The following ZNF266 variants were observed in gnomAD, a reference collection of about 807,000 sequenced individuals.
The protein encoded by ZNF266 is zinc finger protein 1.
In ZNF266, 16 loss-of-function variants were observed where a neutral mutation model predicts 16.4. The observed-to-expected ratio is 0.98, with a 90% CI of 0.66 to 1.48. ZNF266 has a LOEUF of 1.48. Ranked by LOEUF, ZNF266 falls within the 40% of genes most tolerant of loss-of-function variation. The probability of loss-of-function intolerance (pLI) is 0.00; values close to 1 mark genes in which losing one functional copy is unlikely to be tolerated. For synonymous variants in ZNF266, 262 were observed against 237.9 expected, an observed-to-expected ratio of 1.10 and a Z score of -0.93; for missense variants, 738 against 689.1, an observed-to-expected ratio of 1.07 and a Z score of -0.79.
In ZNF266 at chr19:9,413,556, T is replaced by C. The variant is rs1198698051; in HGVS notation, c.1570A>G (p.Thr524Ala). The C allele has an allele frequency of 1.2e-6, 2 of 1,614,174 alleles. No homozygotes were observed. Among genetic ancestry groups the C allele is most frequent in the East Asian group, 2.2e-5 (1 of 44,888 alleles). The stretch of plus-strand genomic sequence containing the variant: ...GTGAATGGTTTTTTGGCGCTGTGGG[T>C]CCGCATGTGATTATTAAGACTGGAG... ...HSSSLNNHMR[T>A]HSAKKPFTCM... Residue 524 changes from threonine (T) to alanine (A), a missense_variant, in exon 11 of 11, where the codon ACC becomes GCC. Physicochemically the swap from Thr to Ala is moderately conservative, Grantham distance 58. Coordinates refer to ENST00000592904, the MANE Select transcript of ZNF266 (RefSeq NM_001370374.1).
Position 9,414,018 on chromosome 19 carries a change from T to C in ZNF266, c.1108A>G (p.Ile370Val), listed in dbSNP as rs1177111337. The C allele has an allele frequency of 6.2e-7, 1 of 1,614,182 alleles. No homozygotes were observed. ...EKPYECKECG[I>V]AFTRSSQLTE... The stretch of plus-strand genomic sequence containing the variant: ...AGTTGAGAAGATCTAGTGAAGGCTA[T>C]CCCACATTCCTTGCATTCATAAGGC... The change falls in exon 11 of 11, where the codon ATA (isoleucine) becomes GTA (valine). Residue 370 changes from isoleucine (I) to valine (V), a missense_variant. Physicochemically the swap from Ile to Val is conservative, Grantham distance 29. Coordinates refer to ENST00000592904, the MANE Select transcript of ZNF266 (RefSeq NM_001370374.1).
At chr19:9,425,265 C>A in intron 5 of ZNF266, among the ~76,000 whole-genome samples, 1 of 152,232 alleles carries the variant, frequency 6.6e-6, no homozygotes, top group East Asian at 1.9e-4. Context: ...TCATTCCTAT[C>A]CCACAGGTTG....
intron 5 of ZNF266, among the ~76,000 whole-genome samples, chr19:9,433,186 A>AT (rs1253173413): frequency 3.9e-5 from 6 of 152,012 alleles, no homozygotes; most frequent in Non-Finnish European, 5.9e-5. Context: ...CTGGAATTTG[A>AT]TTTTTTTTCC....
At chr19:9,428,766 A>T (rs537066622) in intron 5 of ZNF266, among the ~76,000 whole-genome samples, 1 of 152,186 alleles carries the variant, frequency 6.6e-6, no homozygotes. Flanking sequence ...AGATACCCAA[A>T]ATATAAAGCA....
chr19:9,431,226 G>A (rs916772172), intron 5 of ZNF266, among the ~76,000 whole-genome samples: 3 of 152,156 alleles, frequency 2.0e-5, no homozygotes, highest in Non-Finnish European at 2.9e-5. Flanking sequence ...GGGCATTGGA[G>A]GGTGCTCTGT....
rs537584596 is a variant in ZNF266, at chr19:9,434,088, T to C, written c.-262A>G. 4.6e-5 allele frequency: 7 copies of C among 152,344 alleles called. No homozygotes were observed. Among genetic ancestry groups the C allele is most frequent in the East Asian group, 1.9e-4 (1 of 5,188 alleles). 9.4% of individuals were successfully genotyped at this position (152,344 alleles called of 1,614,324 possible). ...ACTCTGTCAAACCTGGGAGTAATCT[T>C]TGATGCACTCCTCTCTCTCACCATA... On this transcript the variant is annotated 5_prime_UTR_variant, in exon 4 of 11. Coordinates refer to ENST00000592904, the MANE Select transcript of ZNF266 (RefSeq NM_001370374.1).
chr19:9,429,290 G>A (rs958923215), intron 5 of ZNF266, among the ~76,000 whole-genome samples: 1 of 151,918 alleles, frequency 6.6e-6, no homozygotes, highest in Non-Finnish European at 1.5e-5. Context: ...CAGTCGCCTG[G>A]GACTTACTAA....
rs2072327769 is a variant in ZNF266 at position 9,435,479 on chromosome 19, C to A, written c.-753G>T. The A allele has an allele frequency of 6.6e-6, 1 of 152,364 alleles. No homozygotes were observed. The highest frequency in any genetic ancestry group is 1.5e-5 in the Non-Finnish European group (1 of 68,188). 9.4% of individuals were successfully genotyped at this position (152,364 alleles called of 1,614,324 possible). On this transcript the variant is annotated 5_prime_UTR_variant, in exon 1 of 11. Transcript: ENST00000592904. ...CCACCCCTTCCACCGCTGGCTCCCA[C>A]CCGTCATCCGACCTCGCCAAAGCTG... is the stretch of plus-strand genomic sequence containing the variant.
chr19:9,418,811 A>G (rs2069438149), intron 7 of ZNF266, 180 bp from the exon 8 acceptor site: 1 of 495,858 alleles, frequency 2.0e-6, no homozygotes, highest in Non-Finnish European at 3.7e-6. Flanking sequence ...CTTCTTACAC[A>G]TGATTGTATG....
At position 9,415,686 on chromosome 19, in the gene ZNF266, A is replaced by C. The variant is rs760016014; in HGVS notation, c.373T>G (p.Leu125Val). 3 of 1,613,308 alleles carry C rather than the reference A, an allele frequency of 1.9e-6. No homozygotes were observed. The highest frequency in any genetic ancestry group is 2.7e-5 in the African/African-American group (2 of 75,030). Reference sequence around the variant, plus strand: ...ATCCCACTGGAGGTTGGCTCCCCCAAAACATCCTGCTGAAGGGCTAACTCT... The same window carrying C: ...ATCCCACTGGAGGTTGGCTCCCCCACAACATCCTGCTGAAGGGCTAACTCT... ...TKELALQQDV[L>V]GEPTSSGIQM... Residue 125 changes from leucine (L) to valine (V), a missense_variant, in exon 10 of 11, where the codon TTG (leucine) becomes GTG (valine). By Grantham distance (32) the Leu-to-Val change is conservative. Transcript: ENST00000592904.
chr19:9,432,427 T>C (rs2123497408), intron 5 of ZNF266, among the ~76,000 whole-genome samples: 1 of 152,338 alleles, frequency 6.6e-6, no homozygotes. Context: ...TCCCCATCAA[T>C]GATTTCACTA....
In ZNF266 at chr19:9,413,435, C is replaced by T. The variant is rs1408158044; in HGVS notation, c.1691G>A (p.Cys564Tyr). 2 of 1,613,994 alleles carry T rather than the reference C, an allele frequency of 1.2e-6. No individual in the cohort carries two copies. Among genetic ancestry groups the T allele is most frequent in the Non-Finnish European group, 1.7e-6 (2 of 1,180,018 alleles). ...ATTGGAGTAACTGAAGGATTTCCCA[C>T]ACTGTTTACATTTGTAGGGTTTTTC... The part of the protein sequence containing the change: ...TGEKPYKCKQ[C>Y]GKSFSYSNSF... Residue 564 changes from cysteine (C) to tyrosine (Y), a missense_variant, in exon 11 of 11, where the codon TGT (cysteine) becomes TAT (tyrosine). Transcript: ENST00000592904.
rs2072300438 is a variant in ZNF266, at chr19:9,435,279, C to T, written c.-558+5G>A. 6.6e-6 allele frequency: 1 copy of T among 152,200 alleles called. No homozygotes were observed. Among genetic ancestry groups the T allele is most frequent in the South Asian group, 2.1e-4 (1 of 4,832 alleles). The allele number at this position is 152,200 out of a possible 1,614,324, so 9.4% of individuals were successfully genotyped here. ...TTTGCAAAAATCGTGAGGAAGCGCC[C>T]TTACGACAGATCCCGAAACGGCTCC... On this transcript the variant is annotated splice_donor_5th_base_variant and intron_variant, in intron 1 of 10. Coordinates refer to ENST00000592904, the MANE Select transcript of ZNF266 (RefSeq NM_001370374.1).
At position 9,413,242 on chromosome 19, in the gene ZNF266, G is replaced by C; in HGVS notation, c.*33C>G. The C allele has an allele frequency of 6.5e-7, 1 of 1,536,376 alleles. No homozygotes were observed. The highest frequency in any genetic ancestry group is 8.7e-7 in the Non-Finnish European group (1 of 1,144,742). Reference sequence around the variant, plus strand: ...CAGTGAGTTTTCATGTCTTCAGAGAGAACAGGGACACCTTTAGGTTTTCCC... The same window carrying C: ...CAGTGAGTTTTCATGTCTTCAGAGACAACAGGGACACCTTTAGGTTTTCCC... On this transcript the variant is annotated 3_prime_UTR_variant, in exon 11 of 11. Coordinates refer to ENST00000592904, the MANE Select transcript of ZNF266 (RefSeq NM_001370374.1).
chr19:9,416,293 T>A (rs1404888217), intron 9 of ZNF266, among the ~76,000 whole-genome samples: 1 of 151,540 alleles, frequency 6.6e-6, no homozygotes, highest in East Asian at 1.9e-4. Flanking sequence ...ACAAAGAATA[T>A]TACCATGGAA....
At chr19:9,426,580 A>G (rs932165702) in intron 5 of ZNF266, among the ~76,000 whole-genome samples, 8 of 152,242 alleles carry the variant, frequency 5.3e-5, no homozygotes, top group Non-Finnish European at 1.0e-4. Flanking sequence ...TAAGTACTAA[A>G]CAAATGCCAG....
At chr19:9,423,583 G>C (rs1448126389) in intron 5 of ZNF266, among the ~76,000 whole-genome samples, 1 of 152,158 alleles carries the variant, frequency 6.6e-6, no homozygotes. Context: ...CTCAGTTATA[G>C]GGCCAAATGG....
chr19:9,413,595 C>T lies in ZNF266; in HGVS notation c.1531G>A (p.Ala511Thr). ...KPFECLECGK[A>T]FTHSSSLNNH... ...TTAAGACTGGAGGAATGCGTAAATG[C>T]TTTACCACATTCCAGGCACTCAAAG... Residue 511 changes from alanine (A) to threonine (T), a missense_variant, in exon 11 of 11, where the codon GCA becomes ACA. Coordinates refer to ENST00000592904, the MANE Select transcript of ZNF266 (RefSeq NM_001370374.1). 6.2e-7 allele frequency: 1 copy of T among 1,614,164 alleles called. No individual in the cohort carries two copies. Among genetic ancestry groups the T allele is most frequent in the Non-Finnish European group, 8.5e-7 (1 of 1,180,022 alleles).
chr19:9,427,279 A>C (rs74477676), intron 5 of ZNF266, among the ~76,000 whole-genome samples: 3,728 of 152,172 alleles, frequency 0.024, 92 homozygotes, highest in African/African-American at 0.063. Flanking sequence ...ATAAACAACC[A>C]ATAACTATTG....
Sources: gnomAD v4.1 joint callset for allele counts (sites outside exome capture counted in the v4.1 genomes callset) on GRCh38, gnomAD v4.1.1 for gene constraint, MANE v1.5 for transcripts, NCBI Gene and HGNC (gene_info 2026-07-23, HGNC 2026-07-21) for gene names.